Variants in PCGF6 observed in about 807,000 individuals in gnomAD.
PCGF6 encodes polycomb group ring finger 6.
A neutral mutation model predicts 45.5 loss-of-function variants in PCGF6; 24 were observed. That is an observed-to-expected ratio of 0.53 (90% CI 0.38 to 0.74). PCGF6 has a LOEUF of 0.74. PCGF6 is among the 30% of genes least tolerant of loss of function. The pLI, the probability that PCGF6 is intolerant of heterozygous loss-of-function variation, is 0.00. For missense variants in PCGF6, 356 were observed against 443.2 expected (o/e 0.80, Z 1.77); for synonymous variants, 152 against 162.1 (o/e 0.94, Z 0.47).
At chr10:103,326,673 T>C (rs1052123307) in intron 7 of PCGF6, 41 bp from the exon 8 acceptor site, 14 of 1,433,502 alleles carry the variant, frequency 9.8e-6, no homozygotes, top group South Asian at 2.4e-5. Flanking sequence ...AGGTTAAATA[T>C]ACCTGTACAT....
intron 6 of PCGF6, among the ~76,000 whole-genome samples, chr10:103,342,599 A>G (rs2093284980): frequency 6.6e-6 from 1 of 152,012 alleles, no homozygotes; most frequent in East Asian, 1.9e-4. Flanking sequence ...GTACTTGCGT[A>G]TTTTCCACCA....
chr10:103,320,927 T>C (rs1564726661), intron 8 of PCGF6, among the ~76,000 whole-genome samples: 1 of 152,108 alleles, frequency 6.6e-6, no homozygotes, highest in African/African-American at 2.4e-5. Context: ...CCAAGAATTG[T>C]AGTCTGATGA....
chr10:103,304,658 T>TC (rs2093131609), intron 9 of PCGF6, among the ~76,000 whole-genome samples: 1 of 143,522 alleles, frequency 7.0e-6, no homozygotes, highest in African/African-American at 2.6e-5. Flanking sequence ...CAGCCCCACT[T>TC]TTTTTTTTTT....
chr10:103,333,569 G>GT (rs2093247336), intron 7 of PCGF6, among the ~76,000 whole-genome samples: 1 of 152,054 alleles, frequency 6.6e-6, no homozygotes, highest in Non-Finnish European at 1.5e-5. Flanking sequence ...AATAATTGAA[G>GT]TAACAAGTAG....
chr10:103,348,932 T>A lies in PCGF6; in HGVS notation c.428A>T (p.Asp143Val). The A allele has an allele frequency of 6.2e-7, 1 of 1,613,496 alleles. No individual in the cohort carries two copies. The highest frequency in any genetic ancestry group is 8.5e-7 in the Non-Finnish European group (1 of 1,179,422). Residue 143 changes from aspartate (D) to valine (V), a missense_variant, in exon 2 of 10, where the codon GAT (aspartate) becomes GTT (valine). Physicochemically the swap from Asp to Val is radical, Grantham distance 152. Around this residue, in one of 2 missense-constraint regions of PCGF6, gnomAD observed 307 missense variants for 350.1 expected, o/e 0.88. Coordinates refer to ENST00000369847, the MANE Select transcript of PCGF6 (RefSeq NM_001011663.2). The stretch of plus-strand genomic sequence containing the variant: ...AAGACATTCTGTGATGGTAGTTGCA[T>A]CTATTAAGTAACCTTTGCAAATGGA... The part of the protein sequence containing the change: ...LCSICKGYLI[D>V]ATTITECLHT...
chr10:103,350,569 C>G, intron 1 of PCGF6, 138 bp downstream of exon 1: 2 of 811,074 alleles, frequency 2.5e-6, no homozygotes, highest in Non-Finnish European at 3.4e-6. Context: ...GCAGCCGGGG[C>G]AGAGGTCGGG....
intron 9 of PCGF6, among the ~76,000 whole-genome samples, chr10:103,306,581 G>A (rs1157319933): frequency 6.6e-6 from 1 of 152,128 alleles, no homozygotes; most frequent in African/African-American, 2.4e-5. Flanking sequence ...TCTTTGCTAA[G>A]CTTTTCCATG....
intron 7 of PCGF6, among the ~76,000 whole-genome samples, chr10:103,333,449 T>C (rs1157237490): frequency 6.6e-6 from 1 of 152,148 alleles, no homozygotes; most frequent in Non-Finnish European, 1.5e-5. Context: ...TGACTCACAT[T>C]ATAGTAGTAA....
chr10:103,331,455 G>C (rs1349272292), intron 7 of PCGF6, among the ~76,000 whole-genome samples: 1 of 151,836 alleles, frequency 6.6e-6, no homozygotes, highest in Non-Finnish European at 1.5e-5. Context: ...ATAGAGTTTT[G>C]GCATGTTGGC....
rs1311053951 is a variant in PCGF6, at chr10:103,345,122, C to T, written c.684G>A (p.Gln228=). The change falls in exon 6 of 10, where the codon CAG becomes CAA. Residue 228 remains glutamine (Q), a synonymous_variant. Coordinates refer to ENST00000369847, the MANE Select transcript of PCGF6 (RefSeq NM_001011663.2). ...GLEVPKPAVP[Q]PVPSSKGRSK... ...ATCTTCCTTTGCTTGAAGGGACTGG[C>T]TGTGGAACAGCTATTTAATAGTCAA... 1 of 1,604,902 alleles carries T rather than the reference C, an allele frequency of 6.2e-7. No homozygotes were observed. The highest frequency in any genetic ancestry group is 1.3e-5 in the African/African-American group (1 of 74,504).
chr10:103,331,227 T>C (rs1256872704), intron 7 of PCGF6, among the ~76,000 whole-genome samples: 1 of 152,186 alleles, frequency 6.6e-6, no homozygotes, highest in Non-Finnish European at 1.5e-5. Flanking sequence ...CATCAGCTAA[T>C]AGGTTATATA....
At chr10:103,330,628 T>A (rs560649409) in intron 7 of PCGF6, among the ~76,000 whole-genome samples, 22 of 152,276 alleles carry the variant, frequency 1.4e-4, no homozygotes, top group African/African-American at 5.1e-4. Context: ...ATATTTTCAT[T>A]ACCCTAAAAA....
intron 6 of PCGF6, among the ~76,000 whole-genome samples, chr10:103,338,270 G>A (rs960713648): frequency 1.3e-5 from 2 of 151,480 alleles, no homozygotes; most frequent in Admixed American, 6.6e-5. Flanking sequence ...CCGGTCAGGT[G>A]CAGTGGCTCA....
intron 6 of PCGF6, among the ~76,000 whole-genome samples, chr10:103,339,616 C>T (rs2093270919): frequency 6.7e-6 from 1 of 149,724 alleles, no homozygotes; most frequent in Admixed American, 6.8e-5. Context: ...TGGTGAAACC[C>T]CATCTCTACT....
chr10:103,347,965 T>C (rs1002135987), intron 3 of PCGF6, among the ~76,000 whole-genome samples: 4 of 151,066 alleles, frequency 2.6e-5, no homozygotes, highest in African/African-American at 2.4e-5. Flanking sequence ...TAAAAATCAA[T>C]AGTATTTGTT....
chr10:103,342,310 T>C (rs2093283906), intron 6 of PCGF6, among the ~76,000 whole-genome samples: 1 of 151,798 alleles, frequency 6.6e-6, no homozygotes, highest in African/African-American at 2.4e-5. Flanking sequence ...CTTGGGTTAC[T>C]GCAACCTCCA....
intron 6 of PCGF6, among the ~76,000 whole-genome samples, chr10:103,337,860 C>A (rs1341897274): frequency 1.2e-5 from 1 of 81,368 alleles, no homozygotes; most frequent in African/African-American, 4.4e-5. Flanking sequence ...GTCAGGAGAT[C>A]GAGACCATCC....
chr10:103,304,270 G>C (rs908341179), intron 9 of PCGF6, among the ~76,000 whole-genome samples: 3 of 151,578 alleles, frequency 2.0e-5, no homozygotes, highest in Admixed American at 6.6e-5. Flanking sequence ...CCAAGTAGCT[G>C]GGATTACAGG....
At chr10:103,328,246 G>A (rs1291296953) in intron 7 of PCGF6, among the ~76,000 whole-genome samples, 1 of 152,114 alleles carries the variant, frequency 6.6e-6, no homozygotes, top group African/African-American at 2.4e-5. Flanking sequence ...GCCTAGAATG[G>A]CTACCTAGGG....
Sources: allele counts gnomAD v4.1 joint callset (sites outside exome capture counted in the v4.1 genomes callset), GRCh38; gene constraint gnomAD v4.1.1; regional missense constraint gnomAD v4.1.1; transcripts MANE v1.5; gene names NCBI Gene and HGNC (gene_info 2026-07-23, HGNC 2026-07-21).